The following MRE11 variants were observed in gnomAD, a reference collection of about 807,000 sequenced individuals.
MRE11 encodes double-strand break repair protein MRE11.
In MRE11, 62 loss-of-function variants were observed where a neutral mutation model predicts 91.7. The ratio of observed to expected loss-of-function variants is 0.68; its 90% CI spans 0.55 to 0.84. MRE11 has a LOEUF of 0.84. Among genes scored for constraint, MRE11 ranks in the 40% least tolerant of loss-of-function variants. The pLI, the probability that MRE11 is intolerant of heterozygous loss-of-function variation, is 0.00. For synonymous variants in MRE11, 273 were observed against 271.4 expected, an observed-to-expected ratio of 1.01 and a Z score of -0.06; for missense variants, 796 against 852.9, an observed-to-expected ratio of 0.93 and a Z score of 0.83.
chr11:94,493,664 G>T (rs1947355658), intron 1 of MRE11, 127 bp downstream of exon 1: 1 of 152,290 alleles, frequency 6.6e-6, no homozygotes, highest in South Asian at 2.1e-4. Flanking sequence ...AACAGGAGAC[G>T]AATGCGATTC....
chr11:94,420,559 C>A (rs565401324), intron 19 of MRE11, among the ~76,000 whole-genome samples: 67 of 152,166 alleles, frequency 4.4e-4, no homozygotes, highest in African/African-American at 1.5e-3. Context: ...AAATTCACAG[C>A]GAAAAAATAA....
At chr11:94,475,047 A>C (rs1479420627) in intron 7 of MRE11, among the ~76,000 whole-genome samples, 1 of 152,156 alleles carries the variant, frequency 6.6e-6, no homozygotes, top group Non-Finnish European at 1.5e-5. Context: ...TCAGCCTCTT[A>C]AACCCTTTCT....
intron 7 of MRE11, among the ~76,000 whole-genome samples, chr11:94,472,728 T>C (rs1042405086): frequency 3.3e-5 from 5 of 152,146 alleles, no homozygotes; most frequent in Non-Finnish European, 7.4e-5. Flanking sequence ...TAAGGCCATG[T>C]GTATAAGGTA....
At chr11:94,440,596 A>G (rs1945753283) in intron 16 of MRE11, among the ~76,000 whole-genome samples, 1 of 152,212 alleles carries the variant, frequency 6.6e-6, no homozygotes, top group South Asian at 2.1e-4. Context: ...AGAATCCTGA[A>G]GAAAAATAGA....
At chr11:94,440,519 A>T (rs1163047088) in intron 16 of MRE11, among the ~76,000 whole-genome samples, 1 of 152,194 alleles carries the variant, frequency 6.6e-6, no homozygotes, top group Non-Finnish European at 1.5e-5. Flanking sequence ...GCTAGAACTC[A>T]GAGAGGTAAG....
Position 94,492,909 on chromosome 11 carries a change from A to T in MRE11, c.-105-3T>A. Reference sequence around the variant, plus strand: ...CTCGATTCCAAATTCTAGAAATTCTAAAAACAAAATTACATCATAAAACAC... The same window carrying T: ...CTCGATTCCAAATTCTAGAAATTCTTAAAACAAAATTACATCATAAAACAC... On this transcript the variant is annotated splice_region_variant and splice_polypyrimidine_tract_variant and intron_variant, in intron 1 of 19. Transcript: ENST00000323929. 1 of 1,047,014 alleles carries T rather than the reference A, an allele frequency of 9.6e-7. No homozygotes were observed. The highest frequency in any genetic ancestry group is 1.3e-5 in the South Asian group (1 of 74,548). 64.9% of individuals were successfully genotyped at this position (1,047,014 alleles called of 1,614,324 possible). A position where few individuals can be genotyped will look rare whatever the true frequency, so the allele number is the denominator to read the frequency against.
At chr11:94,426,844 T>C (rs925156717) in intron 19 of MRE11, among the ~76,000 whole-genome samples, 3 of 151,972 alleles carry the variant, frequency 2.0e-5, no homozygotes, top group East Asian at 1.9e-4. Flanking sequence ...CCTCCCAAGA[T>C]TGAACCAGGA....
chr11:94,464,355 A>C (rs1946505893), intron 10 of MRE11, 116 bp from the exon 11 acceptor site: 1 of 1,367,448 alleles, frequency 7.3e-7, no homozygotes, highest in South Asian at 1.3e-5. Context: ...AAATTTATGA[A>C]TTAATTTTCT....
At chr11:94,447,152 A>C (rs777681358) in intron 15 of MRE11, 67 bp downstream of exon 15, 21 of 1,435,760 alleles carry the variant, frequency 1.5e-5, no homozygotes, top group Non-Finnish European at 1.9e-5. Context: ...CTCTGACAAG[A>C]TCTAATTCTG....
intron 14 of MRE11, among the ~76,000 whole-genome samples, chr11:94,455,722 A>G (rs1946232331): frequency 6.6e-6 from 1 of 152,186 alleles, no homozygotes; most frequent in Non-Finnish European, 1.5e-5. Context: ...ACTTATGGTT[A>G]ACATTGCTAA....
At chr11:94,460,012 G>A (rs531707220) in intron 12 of MRE11, among the ~76,000 whole-genome samples, 2 of 152,254 alleles carry the variant, frequency 1.3e-5, no homozygotes, top group Non-Finnish European at 2.9e-5. Context: ...TAAGGGTCCT[G>A]AAAAGCACAA....
chr11:94,508,928 AT>A, the MRE11 span, among the ~76,000 whole-genome samples: 360 of 151,994 alleles, frequency 2.4e-3, no homozygotes, highest in African/African-American at 8.5e-3. Flanking sequence ...CACCCAGTTA[AT>A]TTTTGTATTT....
the MRE11 span, among the ~76,000 whole-genome samples, chr11:94,501,659 C>G: frequency 0.037 from 5,598 of 151,780 alleles, 362 homozygotes; most frequent in African/African-American, 0.13. Flanking sequence ...TGCCTGAAAT[C>G]ATTCCCTGGA....
At chr11:94,470,962 T>C (rs1275038492) in intron 8 of MRE11, among the ~76,000 whole-genome samples, 1 of 152,038 alleles carries the variant, frequency 6.6e-6, no homozygotes, top group East Asian at 1.9e-4. Context: ...TACATCTATA[T>C]ACCTATGTAT....
upstream of MRE11, among the ~76,000 whole-genome samples, chr11:94,496,244 GT>G (rs1947416482): frequency 6.6e-6 from 1 of 152,078 alleles, no homozygotes; most frequent in African/African-American, 2.4e-5. Context: ...TTATCTGTGT[GT>G]CTAGTTTATA....
chr11:94,489,376 G>A (rs1242347639), intron 3 of MRE11, among the ~76,000 whole-genome samples: 1 of 151,968 alleles, frequency 6.6e-6, no homozygotes, highest in African/African-American at 2.4e-5. Flanking sequence ...TTCATGGCAG[G>A]GGTCAAGATC....
At chr11:94,443,431 C>T (rs1189729525) in intron 16 of MRE11, among the ~76,000 whole-genome samples, 1 of 152,196 alleles carries the variant, frequency 6.6e-6, no homozygotes, top group Non-Finnish European at 1.5e-5. Context: ...CCCCACAGAC[C>T]TGTTAAGAGG....
chr11:94,480,979 C>T (rs1031210187), intron 4 of MRE11, among the ~76,000 whole-genome samples: 1 of 152,104 alleles, frequency 6.6e-6, no homozygotes, highest in African/African-American at 2.4e-5. Flanking sequence ...TTCAGTATAG[C>T]TCTGTCTTTT....
chr11:94,496,928 C>G, upstream of MRE11: 1 of 1,613,406 alleles, frequency 6.2e-7, no homozygotes. Flanking sequence ...CAGATTGCTT[C>G]TTTGGGCTGC....
Sources: gnomAD v4.1 joint callset for allele counts (sites outside exome capture counted in the v4.1 genomes callset) on GRCh38, gnomAD v4.1.1 for gene constraint, MANE v1.5 for transcripts, NCBI Gene and HGNC (gene_info 2026-07-23, HGNC 2026-07-21) for gene names.